Variants in DACH2 observed in about 807,000 individuals in gnomAD.
The protein encoded by DACH2 is dachshund family transcription factor 2.
Under a neutral mutation model 35.8 loss-of-function variants are expected in DACH2, and 17 were observed. The ratio of observed to expected loss-of-function variants is 0.48; its 90% CI spans 0.33 to 0.71. The LOEUF is 0.71. DACH2 is among the 30% of genes least tolerant of loss of function. The pLI is 0.02. For synonymous variants in DACH2, 195 were observed against 177.3 expected, an observed-to-expected ratio of 1.10 and a Z score of -0.79; for missense variants, 469 against 472.7, an observed-to-expected ratio of 0.99 and a Z score of 0.07.
intron 3 of DACH2, among the ~76,000 whole-genome samples, chrX:86,589,078 T>A (rs757348583): frequency 6.2e-4 from 69 of 111,988 alleles, no homozygotes; most frequent in Non-Finnish European, 1.2e-3. Context: ...TGAAGAGATG[T>A]TGGATTTTAT....
chrX:86,185,131 C>T (rs1292747730), intron 1 of DACH2, among the ~76,000 whole-genome samples: 1 of 111,473 alleles, frequency 9.0e-6, no homozygotes, highest in Admixed American at 9.6e-5. Flanking sequence ...CTTAGTGGAA[C>T]AGGAAATATG....
At chrX:86,657,620 T>G (rs909942086) in intron 4 of DACH2, among the ~76,000 whole-genome samples, 2 of 111,021 alleles carry the variant, frequency 1.8e-5, no homozygotes, top group Admixed American at 9.6e-5. Context: ...CATATGAACA[T>G]TTTACTTGAG....
chrX:86,285,340 T>C (rs1387921350), intron 1 of DACH2, among the ~76,000 whole-genome samples: 1 of 112,005 alleles, frequency 8.9e-6, no homozygotes, highest in African/African-American at 3.2e-5. Flanking sequence ...TTAGTACTGC[T>C]ATTACTGTAT....
At chrX:86,676,660 AAAAC>A (rs1477020820) in intron 4 of DACH2, among the ~76,000 whole-genome samples, 4 of 112,260 alleles carry the variant, frequency 3.6e-5, no homozygotes, top group Admixed American at 9.5e-5. Flanking sequence ...GCTCAGATAA[AAAAC>A]AAACAATTTA....
chrX:86,202,867 G>A (rs1350295205), intron 1 of DACH2, among the ~76,000 whole-genome samples: 1 of 111,514 alleles, frequency 9.0e-6, no homozygotes, highest in Non-Finnish European at 1.9e-5. Flanking sequence ...TTCAGCTCTT[G>A]TGACTCAGAA....
At chrX:86,169,264 G>A (rs1037659795) in intron 1 of DACH2, among the ~76,000 whole-genome samples, 1 of 111,314 alleles carries the variant, frequency 9.0e-6, no homozygotes, top group African/African-American at 3.3e-5. Context: ...ATAGTCTGTT[G>A]CCTGACATAT....
intron 1 of DACH2, among the ~76,000 whole-genome samples, chrX:86,161,990 G>A (rs1011533730): frequency 1.8e-5 from 2 of 112,133 alleles, no homozygotes; most frequent in Non-Finnish European, 3.8e-5. Context: ...CATAGGCAGA[G>A]CAGCCTAAAG....
chrX:86,803,785 T>G (rs915490107), intron 7 of DACH2, among the ~76,000 whole-genome samples: 2 of 110,685 alleles, frequency 1.8e-5, no homozygotes, highest in Non-Finnish European at 3.8e-5. Flanking sequence ...AATTATATTA[T>G]ATTGTATATT....
chrX:86,548,454 G>A (rs1236086144), intron 3 of DACH2, among the ~76,000 whole-genome samples: 1 of 112,191 alleles, frequency 8.9e-6, no homozygotes, highest in Non-Finnish European at 1.9e-5. Context: ...AGATTCTTAA[G>A]TGAGAAATAA....
At chrX:86,289,649 C>A (rs1405117184) in intron 1 of DACH2, among the ~76,000 whole-genome samples, 1 of 97,931 alleles carries the variant, frequency 1.0e-5, no homozygotes, top group South Asian at 5.2e-4. Flanking sequence ...TCAATTCCCA[C>A]CTATGAGTGA....
At chrX:86,499,335 C>T (rs1363707983) in intron 2 of DACH2, among the ~76,000 whole-genome samples, 1 of 111,321 alleles carries the variant, frequency 9.0e-6, no homozygotes, top group East Asian at 2.8e-4. Context: ...ATAACCCATT[C>T]CAATCATTCC....
intron 11 of DACH2, among the ~76,000 whole-genome samples, chrX:86,823,393 A>T (rs1276438254): frequency 8.9e-6 from 1 of 112,376 alleles, no homozygotes; most frequent in Admixed American, 9.5e-5. Context: ...GATTTTATAC[A>T]CAACTCCTTT....
chrX:86,827,797 C>T (rs1200571404), intron 11 of DACH2: 2 of 1,164,727 alleles, frequency 1.7e-6, no homozygotes, highest in South Asian at 1.9e-5. Context: ...TCCAACTGAT[C>T]ATAGGCACGA....
intron 7 of DACH2, among the ~76,000 whole-genome samples, chrX:86,761,275 A>G (rs1199529020): frequency 1.8e-5 from 2 of 110,534 alleles, no homozygotes; most frequent in African/African-American, 6.6e-5. Flanking sequence ...ATTCCCACTT[A>G]TGAGTGAGAA....
intron 1 of DACH2, among the ~76,000 whole-genome samples, chrX:86,223,710 G>A (rs750538836): frequency 9.6e-4 from 107 of 111,925 alleles, no homozygotes; most frequent in Middle Eastern, 4.6e-3. Flanking sequence ...GACAAATTCC[G>A]TTTTCAAGAG....
At chrX:86,309,214 G>C (rs1019104228) in intron 1 of DACH2, among the ~76,000 whole-genome samples, 2 of 112,449 alleles carry the variant, frequency 1.8e-5, no homozygotes, top group Non-Finnish European at 3.8e-5. Context: ...CTGTACAGAA[G>C]ACAGATGGAT....
intron 1 of DACH2, among the ~76,000 whole-genome samples, chrX:86,311,599 C>T (rs925060535): frequency 3.6e-5 from 4 of 110,851 alleles, no homozygotes; most frequent in Admixed American, 9.6e-5. Context: ...TCACCATCAC[C>T]ACTAGTGAGC....
At chrX:86,304,005 C>T (rs1358038832) in intron 1 of DACH2, among the ~76,000 whole-genome samples, 1 of 111,442 alleles carries the variant, frequency 9.0e-6, no homozygotes, top group Non-Finnish European at 1.9e-5. Flanking sequence ...GTAACCAAAA[C>T]AGCATGCCAT....
Position 86,462,280 on chromosome X carries a change from A to G in DACH2, c.528-51999A>G, listed in dbSNP as rs937105449. On this transcript the variant is annotated intron_variant, in intron 2 of 11. Coordinates refer to ENST00000373125, the MANE Select transcript of DACH2 (RefSeq NM_053281.3). ...TTATATTTCTCTTTGATGCATTTTT[A>G]TATAAAACAAATATTATTGTTAGGC... is the stretch of plus-strand genomic sequence containing the variant. Among the ~76,000 whole-genome samples the G allele has an allele frequency of 2.7e-5, 3 of 111,934 alleles. No individual in the cohort carries two copies. In the Admixed American group the frequency reaches 2.9e-4, roughly 11 times the overall value.
Sources: allele counts gnomAD v4.1 joint callset (sites outside exome capture counted in the v4.1 genomes callset), GRCh38; gene constraint gnomAD v4.1.1; transcripts MANE v1.5; gene names NCBI Gene and HGNC (gene_info 2026-07-23, HGNC 2026-07-21).